The following TENM2 variants were observed in gnomAD, a reference collection of about 807,000 sequenced individuals.
TENM2 encodes teneurin-2.
TENM2 carries 52 observed loss-of-function variants against 245.2 expected under a neutral mutation model. The ratio of observed to expected loss-of-function variants is 0.21; its 90% CI spans 0.17 to 0.27. The LOEUF (loss-of-function observed/expected upper bound fraction) is 0.27, where lower values mean the gene tolerates loss of function less well. Ranked by LOEUF, TENM2 falls within the 10% of genes least tolerant of loss-of-function variation. The probability of loss-of-function intolerance (pLI) is 1.00; values close to 1 mark genes in which losing one functional copy is unlikely to be tolerated. For synonymous variants in TENM2, 1,363 were observed against 1,438.9 expected, an observed-to-expected ratio of 0.95 and a Z score of 1.19; for missense variants, 3,046 against 3,666.8, an observed-to-expected ratio of 0.83 and a Z score of 4.37.
exon 5 of TENM2, chr5:167,993,161 A>G: frequency 4.3e-6 from 7 of 1,613,808 alleles, no homozygotes; most frequent in Non-Finnish European, 5.9e-6. Context: ...CCTCTTGGCT[A>G]TTTTGCTGGC....
chr5:167,583,554 A>G (rs1388481455), intron 2 of TENM2, among the ~76,000 whole-genome samples: 1 of 152,024 alleles, frequency 6.6e-6, no homozygotes, highest in African/African-American at 2.4e-5. Context: ...AAACCTACTG[A>G]ACATTTTTAG....
intron 9 of TENM2, among the ~76,000 whole-genome samples, chr5:168,108,830 C>A (rs937109014): frequency 4.6e-5 from 7 of 152,108 alleles, no homozygotes; most frequent in African/African-American, 1.7e-4. Context: ...CTCCTGTCTC[C>A]CTTTAATAGA....
chr5:167,559,890 T>C (rs1582388528), intron 2 of TENM2, among the ~76,000 whole-genome samples: 2 of 152,192 alleles, frequency 1.3e-5, no homozygotes, highest in East Asian at 3.8e-4. Context: ...GCTGTATATG[T>C]GGGTGGTCGA....
At chr5:167,001,251 T>C in the TENM2 span, among the ~76,000 whole-genome samples, 1 of 152,178 alleles carries the variant, frequency 6.6e-6, no homozygotes, top group Non-Finnish European at 1.5e-5. Flanking sequence ...TTAAAACTAC[T>C]GAGGTTTGCT....
At chr5:167,180,310 C>T in the TENM2 span, among the ~76,000 whole-genome samples, 3 of 152,020 alleles carry the variant, frequency 2.0e-5, no homozygotes, top group Admixed American at 6.6e-5. Flanking sequence ...GGTTTCTCCA[C>T]GTTGGTCAGG....
chr5:167,984,074 T>C (rs1169387748), intron 4 of TENM2, among the ~76,000 whole-genome samples: 3 of 152,158 alleles, frequency 2.0e-5, no homozygotes, highest in Non-Finnish European at 4.4e-5. Context: ...AAGAAGTAGC[T>C]ACTATCATTC....
At chr5:167,971,592 T>C (rs1394707607) in intron 4 of TENM2, among the ~76,000 whole-genome samples, 4 of 151,912 alleles carry the variant, frequency 2.6e-5, no homozygotes, top group Non-Finnish European at 5.9e-5. Flanking sequence ...TCCCAGCTAC[T>C]TGGGAGGCTG....
intron 12 of TENM2, among the ~76,000 whole-genome samples, chr5:168,158,372 G>A (rs1195056886): frequency 6.6e-6 from 1 of 152,036 alleles, no homozygotes; most frequent in Non-Finnish European, 1.5e-5. Context: ...TATGAGGCAG[G>A]CAGACAGAAA....
chr5:167,555,028 C>T (rs1773178497), intron 2 of TENM2, among the ~76,000 whole-genome samples: 1 of 152,118 alleles, frequency 6.6e-6, no homozygotes, highest in Non-Finnish European at 1.5e-5. Flanking sequence ...CTCTGGAAAG[C>T]AATGGTACCA....
chr5:167,637,774 A>G (rs936320036), intron 2 of TENM2, among the ~76,000 whole-genome samples: 2 of 152,036 alleles, frequency 1.3e-5, no homozygotes, highest in African/African-American at 4.8e-5. Context: ...GAGAACACAT[A>G]GACACAGGGA....
chr5:167,511,352 G>A (rs1769940647), intron 2 of TENM2, among the ~76,000 whole-genome samples: 1 of 152,112 alleles, frequency 6.6e-6, no homozygotes, highest in South Asian at 2.1e-4. Flanking sequence ...AAGGAGTAGA[G>A]ATCAGCTGCT....
chr5:167,470,331 T>A (rs1349098618), intron 2 of TENM2, among the ~76,000 whole-genome samples: 1 of 152,052 alleles, frequency 6.6e-6, no homozygotes, highest in African/African-American at 2.4e-5. Flanking sequence ...CAATTATAGA[T>A]CACCATTTTA....
At chr5:167,339,098 C>G (rs960152489) in intron 1 of TENM2, among the ~76,000 whole-genome samples, 1 of 152,178 alleles carries the variant, frequency 6.6e-6, no homozygotes, top group Admixed American at 6.5e-5. Context: ...TGTATCTCAA[C>G]AGTTCCAAAA....
At chr5:167,840,243 A>G (rs1769379196) in intron 2 of TENM2, among the ~76,000 whole-genome samples, 1 of 152,244 alleles carries the variant, frequency 6.6e-6, no homozygotes, top group African/African-American at 2.4e-5. Flanking sequence ...TTTAACTTTG[A>G]CAGAGACTTC....
At chr5:167,050,085 C>G in the TENM2 span, among the ~76,000 whole-genome samples, 1 of 152,142 alleles carries the variant, frequency 6.6e-6, no homozygotes, top group African/African-American at 2.4e-5. Context: ...AAACCACCAA[C>G]CTGGCTAGTA....
chr5:166,987,593 C>T, the TENM2 span, among the ~76,000 whole-genome samples: 28 of 152,046 alleles, frequency 1.8e-4, no homozygotes, highest in East Asian at 3.7e-3. Context: ...TAAAGCCAGA[C>T]GGTCAGTATT....
the TENM2 span, among the ~76,000 whole-genome samples, chr5:167,089,800 G>T: frequency 6.6e-6 from 1 of 152,178 alleles, no homozygotes; most frequent in Admixed American, 6.6e-5. Context: ...TTGACAAGCA[G>T]TTCTTGGCCT....
At chr5:167,696,773 C>T (rs925865656) in intron 2 of TENM2, among the ~76,000 whole-genome samples, 3 of 152,172 alleles carry the variant, frequency 2.0e-5, no homozygotes, top group African/African-American at 4.8e-5. Flanking sequence ...ACTCGTGCTA[C>T]AGCCTCCTGA....
At chr5:168,139,051 C>T (rs1755309212) in intron 12 of TENM2, among the ~76,000 whole-genome samples, 1 of 152,222 alleles carries the variant, frequency 6.6e-6, no homozygotes. Context: ...AATTTTTCAA[C>T]ATTGTCCTTG....
Sources: gnomAD v4.1 joint callset for allele counts (sites outside exome capture counted in the v4.1 genomes callset) on GRCh38, gnomAD v4.1.1 for gene constraint, MANE v1.5 for transcripts, NCBI Gene and HGNC (gene_info 2026-07-23, HGNC 2026-07-21) for gene names.